GAB4: variants seen among roughly 807,000 people sequenced by gnomAD.
The protein encoded by GAB4 is GRB2-associated-binding protein 4.
A neutral mutation model predicts 51.3 loss-of-function variants in GAB4; 26 were observed. The ratio of observed to expected loss-of-function variants is 0.51; its 90% CI spans 0.37 to 0.70. The LOEUF is 0.70. Among genes scored for constraint, GAB4 ranks in the 30% least tolerant of loss-of-function variants. The pLI, the probability that GAB4 is intolerant of heterozygous loss-of-function variation, is 0.00. For missense variants in GAB4, 759 were observed against 734.6 expected (o/e 1.03, Z -0.38); for synonymous variants, 329 against 291.2 (o/e 1.13, Z -1.32).
intron 1 of GAB4, among the ~76,000 whole-genome samples, chr22:16,998,136 T>C (rs2060965908): frequency 6.6e-6 from 1 of 152,252 alleles, no homozygotes; most frequent in East Asian, 1.9e-4. Context: ...CAGCTCTTTT[T>C]TGGTTCCATA....
At chr22:17,002,843 T>C (rs1393743796) in intron 1 of GAB4, among the ~76,000 whole-genome samples, 1 of 152,130 alleles carries the variant, frequency 6.6e-6, no homozygotes, top group Admixed American at 6.5e-5. Context: ...AAATTAACCT[T>C]AAATGTAAAT....
chr22:16,975,699 CT>C (rs889760177), intron 3 of GAB4, among the ~76,000 whole-genome samples: 11 of 152,376 alleles, frequency 7.2e-5, no homozygotes, highest in African/African-American at 2.4e-4. Context: ...TCCCTGACCC[CT>C]GTCCCTCCTG....
At chr22:16,978,635 C>A (rs1482928922) in intron 3 of GAB4, among the ~76,000 whole-genome samples, 1 of 152,158 alleles carries the variant, frequency 6.6e-6, no homozygotes, top group Non-Finnish European at 1.5e-5. Flanking sequence ...CCTTCTGAAA[C>A]TATTCCAAAA....
intron 1 of GAB4, among the ~76,000 whole-genome samples, chr22:16,994,187 G>A (rs1202213247): frequency 6.6e-6 from 1 of 152,010 alleles, no homozygotes; most frequent in Non-Finnish European, 1.5e-5. Flanking sequence ...CTCCTCTCCT[G>A]TTTTGTGAAA....
rs568905570 is a variant in GAB4 at position 16,992,582 on chromosome 22, C to T, written c.175-406G>A. On this transcript the variant is annotated intron_variant, in intron 1 of 9. Coordinates refer to ENST00000400588, the MANE Select transcript of GAB4 (RefSeq NM_001037814.1). ...TGAGTTGAAGCAACAATGTCAGAAG[C>T]AGAAGCAGTAGCAGTAAACAAGTAG... is the stretch of plus-strand genomic sequence containing the variant. 6.6e-5 allele frequency among the ~76,000 whole-genome samples: 10 copies of T among 152,342 alleles called. 2 individuals carry two copies. Among genetic ancestry groups the T allele is most frequent in the Admixed American group, 5.9e-4 (9 of 15,308 alleles).
At chr22:16,990,603 T>C (rs569815799) in intron 2 of GAB4, among the ~76,000 whole-genome samples, 1 of 152,080 alleles carries the variant, frequency 6.6e-6, no homozygotes, top group South Asian at 2.1e-4. Context: ...GATGAAAGAG[T>C]GACTCACCCT....
chr22:16,967,418 C>G (rs866969284), intron 5 of GAB4: 1 of 152,574 alleles, frequency 6.6e-6, no homozygotes, highest in South Asian at 2.1e-4. Context: ...AGTCCTGACT[C>G]GGCACTGGCA....
Position 16,962,596 on chromosome 22 carries a change from G to A in GAB4, c.*137C>T. On this transcript the variant is annotated 3_prime_UTR_variant, in exon 10 of 10. Transcript: ENST00000400588. ...AGCCAAAGGCACAGGTGGGCCCCAAGCAGGCAAAGGATGTATATTGATCAG... is the reference window on the plus strand; with the variant it reads ...AGCCAAAGGCACAGGTGGGCCCCAAACAGGCAAAGGATGTATATTGATCAG... The A allele has an allele frequency of 2.8e-6, 2 of 709,236 alleles. No homozygotes were observed. The highest frequency in any genetic ancestry group is 4.1e-6 in the Non-Finnish European group (2 of 489,422). The allele number at this position is 709,236 out of a possible 1,614,324, so 43.9% of individuals were successfully genotyped here.
chr22:16,965,318 A>C, intron 6 of GAB4, 50 bp from the exon 7 acceptor site: 1 of 1,431,398 alleles, frequency 7.0e-7, no homozygotes, highest in Non-Finnish European at 9.8e-7. Flanking sequence ...CACCACACCC[A>C]TGTCCACTTT....
intron 1 of GAB4, among the ~76,000 whole-genome samples, chr22:17,006,095 T>C (rs1185330192): frequency 6.6e-6 from 1 of 152,182 alleles, no homozygotes; most frequent in Non-Finnish European, 1.5e-5. Flanking sequence ...ACCTACCGAA[T>C]GGCAGAAATT....
rs200766797 is a variant in GAB4 at position 16,962,788 on chromosome 22, T to A, written c.1670A>T (p.His557Leu). 6 of 1,613,604 alleles carry A rather than the reference T, an allele frequency of 3.7e-6. No individual in the cohort carries two copies. The highest frequency in any genetic ancestry group is 5.1e-6 in the Non-Finnish European group (6 of 1,179,970). Reference sequence around the variant, plus strand: ...GGACTGCCGCAGGCACATCTGTTCATGCATGGTCTTCTGCAGGGCCTGGGT... The same window carrying A: ...GGACTGCCGCAGGCACATCTGTTCAAGCATGGTCTTCTGCAGGGCCTGGGT... Reference protein sequence around the residue: ...EKTQALQKTMHEQMCLRQSSE... With the variant: ...EKTQALQKTMLEQMCLRQSSE... The change falls in exon 10 of 10, where the codon CAT (histidine) becomes CTT (leucine). Residue 557 changes from histidine (H) to leucine (L), a missense_variant. Around this residue, in one of 3 missense-constraint regions of GAB4, gnomAD observed 588 missense variants for 510.2 expected, o/e 1.15. Transcript: ENST00000400588.
chr22:16,978,890 T>A (rs1337691506), intron 3 of GAB4, among the ~76,000 whole-genome samples: 1 of 152,284 alleles, frequency 6.6e-6, no homozygotes, highest in South Asian at 2.1e-4. Flanking sequence ...CGAAAATCAA[T>A]AAATGTAATC....
At chr22:16,969,334 A>C (rs1378651147) in intron 4 of GAB4, among the ~76,000 whole-genome samples, 3 of 152,384 alleles carry the variant, frequency 2.0e-5, no homozygotes, top group African/African-American at 7.2e-5. Flanking sequence ...ATGATGATTT[A>C]GAATTCCAAA....
intron 3 of GAB4, among the ~76,000 whole-genome samples, chr22:16,978,229 C>A (rs927089958): frequency 1.3e-5 from 2 of 151,996 alleles, no homozygotes; most frequent in Admixed American, 1.3e-4. Context: ...TTCAAAAAAT[C>A]GATGAATCCA....
chr22:16,965,327 T>C (rs1298404233), intron 6 of GAB4, 59 bp from the exon 7 acceptor site: 2 of 1,362,568 alleles, frequency 1.5e-6, no homozygotes, highest in Non-Finnish European at 2.1e-6. Context: ...CATGTCCACT[T>C]TGCTACAAGG....
intron 3 of GAB4, among the ~76,000 whole-genome samples, chr22:16,971,271 T>C (rs2060729445): frequency 6.6e-6 from 1 of 152,168 alleles, no homozygotes; most frequent in South Asian, 2.1e-4. Flanking sequence ...AATCAATGAA[T>C]GAGGAGGGAG....
At chr22:16,995,431 C>T (rs1462869938) in intron 1 of GAB4, among the ~76,000 whole-genome samples, 1 of 152,192 alleles carries the variant, frequency 6.6e-6, no homozygotes, top group African/African-American at 2.4e-5. Flanking sequence ...AAGAGCACAG[C>T]GTATCTCCCA....
chr22:16,988,307 G>A, intron 2 of GAB4, 140 bp from the exon 3 acceptor site: 1 of 681,098 alleles, frequency 1.5e-6, no homozygotes, highest in Non-Finnish European at 2.6e-6. Flanking sequence ...CCCAGAGGAG[G>A]GCTGGGGCCT....
At chr22:16,999,703 T>C (rs2060980431) in intron 1 of GAB4, among the ~76,000 whole-genome samples, 1 of 152,242 alleles carries the variant, frequency 6.6e-6, no homozygotes, top group Non-Finnish European at 1.5e-5. Context: ...TGTTTGCTCT[T>C]GCTTGTCTAG....
Sources: allele counts gnomAD v4.1 joint callset (sites outside exome capture counted in the v4.1 genomes callset), GRCh38; gene constraint gnomAD v4.1.1; regional missense constraint gnomAD v4.1.1; transcripts MANE v1.5; gene names NCBI Gene and HGNC (gene_info 2026-07-23, HGNC 2026-07-21).